The following TTC23L variants were observed in gnomAD, a reference collection of about 807,000 sequenced individuals.
TTC23L encodes the protein tetratricopeptide repeat protein 23-like.
In TTC23L, 42 loss-of-function variants were observed where a neutral mutation model predicts 48.1. The ratio of observed to expected loss-of-function variants is 0.87; its 90% confidence interval spans 0.68 to 1.13. The LOEUF (loss-of-function observed/expected upper bound fraction) is 1.13, where lower values mean the gene tolerates loss of function less well. TTC23L is among the 50% of genes most tolerant of loss of function. The pLI, the probability that TTC23L is intolerant of heterozygous loss-of-function variation, is 0.00. For missense variants in TTC23L, 391 were observed against 421.0 expected, an observed-to-expected ratio of 0.93 and a Z score of 0.62; for synonymous variants, 159 against 157.2, an observed-to-expected ratio of 1.01 and a Z score of -0.09.
chr5:34,912,110 G>A, the TTC23L span, among the ~76,000 whole-genome samples: 1 of 152,122 alleles, frequency 6.6e-6, no homozygotes, highest in East Asian at 1.9e-4. Flanking sequence ...ACAATTTCAG[G>A]GTAGAGAATC....
chr5:34,887,693 C>T (rs1026781513), intron 9 of TTC23L, among the ~76,000 whole-genome samples: 4 of 151,882 alleles, frequency 2.6e-5, no homozygotes, highest in African/African-American at 9.7e-5. Context: ...TCTCTTAGAA[C>T]GCAGAGTGAA....
At position 34,897,178 on chromosome 5, in the gene TTC23L, A is replaced by G. The variant is rs988894585; in HGVS notation, c.*97+303A>G. On this transcript the variant is annotated intron_variant, in intron 10 of 10. Transcript: ENST00000505624. ...GGCAGGTGGATTGTCTGAGCTCAGG[A>G]GTTCGAGACCAGCCTGGGAAACACA... Among the ~76,000 whole-genome samples, 9 of 152,214 alleles carry G rather than the reference A, an allele frequency of 5.9e-5. No homozygotes were observed. The East Asian group carries it at 1.7e-3, about 29-fold the overall frequency.
At chr5:34,890,729 G>A (rs933101240) in intron 9 of TTC23L, among the ~76,000 whole-genome samples, 6 of 152,094 alleles carry the variant, frequency 3.9e-5, no homozygotes, top group Non-Finnish European at 8.8e-5. Context: ...CTGACTCCAG[G>A]ATCTGTACTC....
the TTC23L span, chr5:34,906,108 C>G: frequency 6.6e-6 from 1 of 151,960 alleles, no homozygotes; most frequent in Non-Finnish European, 1.5e-5. Context: ...ACACCCACCA[C>G]CACACCCAGC....
intron 8 of TTC23L, among the ~76,000 whole-genome samples, chr5:34,876,551 T>C (rs1162101466): frequency 6.6e-6 from 1 of 152,110 alleles, no homozygotes; most frequent in Non-Finnish European, 1.5e-5. Context: ...CTGCCAAAAC[T>C]CACATAAGAA....
intron 7 of TTC23L, 73 bp downstream of exon 7, chr5:34,867,142 G>A (rs563920504): frequency 1.5e-5 from 21 of 1,447,922 alleles, no homozygotes; most frequent in Non-Finnish European, 1.8e-5. Flanking sequence ...GGCCAGGGAA[G>A]CATGGGCTTC....
chr5:34,872,555 A>G (rs1269278703), intron 8 of TTC23L, among the ~76,000 whole-genome samples: 1 of 152,198 alleles, frequency 6.6e-6, no homozygotes, highest in East Asian at 1.9e-4. Context: ...AATATATAGC[A>G]GTTGGCAAAT....
At chr5:34,877,623 C>T (rs1433494359) in intron 8 of TTC23L, among the ~76,000 whole-genome samples, 1 of 151,980 alleles carries the variant, frequency 6.6e-6, no homozygotes, top group African/African-American at 2.4e-5. Context: ...GGGGTTTCAC[C>T]ATGTTGGCCA....
chr5:34,911,925 C>T, the TTC23L span: 2 of 1,242,000 alleles, frequency 1.6e-6, no homozygotes, highest in Non-Finnish European at 2.3e-6. Flanking sequence ...CAATTTCTCA[C>T]ATATATGTAT....
At chr5:34,868,938 G>A in exon 8 of TTC23L, 2 of 1,611,034 alleles carry the variant, frequency 1.2e-6, no homozygotes, top group Non-Finnish European at 1.7e-6. Context: ...GTTCACTGAA[G>A]TCAGCCCCAA....
chr5:34,914,045 C>A, the TTC23L span: 1 of 455,958 alleles, frequency 2.2e-6, no homozygotes, highest in South Asian at 1.5e-5. Context: ...GGACAAGAAC[C>A]GTGTCTTATT....
At chr5:34,899,068 A>G (rs755574319) in intron 10 of TTC23L, among the ~76,000 whole-genome samples, 34 of 152,174 alleles carry the variant, frequency 2.2e-4, no homozygotes, top group Non-Finnish European at 4.0e-4. Flanking sequence ...CCTAAATTAG[A>G]TAAGTTTTCC....
At position 34,872,091 on chromosome 5, in the gene TTC23L, A is replaced by G. The variant is rs1368501074; in HGVS notation, c.949+3078A>G. 3.3e-5 allele frequency among the ~76,000 whole-genome samples: 5 copies of G among 152,060 alleles called. No homozygotes were observed. The East Asian group carries it at 5.8e-4, about 18-fold the overall frequency. On this transcript the variant is annotated intron_variant, in intron 8 of 10. Coordinates refer to ENST00000505624, the Ensembl canonical transcript of TTC23L. Reference sequence around the variant, plus strand: ...CCAGGAATTTTATACTGGCTTGGGCAACATAGTGAGACCCCATCTCTACCA... The same window carrying G: ...CCAGGAATTTTATACTGGCTTGGGCGACATAGTGAGACCCCATCTCTACCA...
chr5:34,862,714 C>T (rs1760768812), intron 4 of TTC23L, among the ~76,000 whole-genome samples, 184 bp from the exon 5 acceptor site: 1 of 152,122 alleles, frequency 6.6e-6, no homozygotes, highest in Admixed American at 6.5e-5. Flanking sequence ...TTGAGTGGGG[C>T]CCAGGAACCT....
At chr5:34,839,978 G>A (rs1055588852) in intron 1 of TTC23L, among the ~76,000 whole-genome samples, 5 of 152,172 alleles carry the variant, frequency 3.3e-5, no homozygotes, top group African/African-American at 1.2e-4. Context: ...CGCGATCTCC[G>A]CCTCCCGGGT....
rs527268993 is a variant in TTC23L at position 34,852,100 on chromosome 5, A to T, written c.379+1792A>T. ...AGGTCTTTCTACGTTGCCCAGGCCG[A>T]TCTCAAATTCCTGGCCTCAAGTGAT... On this transcript the variant is annotated intron_variant, in intron 4 of 10. Transcript: ENST00000505624. Among the ~76,000 whole-genome samples, 19 of 152,218 alleles carry T rather than the reference A, an allele frequency of 1.2e-4. No homozygotes were observed. In the East Asian group the frequency reaches 2.7e-3, roughly 22 times the overall value.
At chr5:34,923,942 T>C in the TTC23L span, among the ~76,000 whole-genome samples, 1 of 151,766 alleles carries the variant, frequency 6.6e-6, no homozygotes, top group African/African-American at 2.4e-5. Flanking sequence ...AGGGAATAAC[T>C]TGAAGATCCA....
At chr5:34,843,661 G>T (rs555475391) in intron 2 of TTC23L, among the ~76,000 whole-genome samples, 8 of 152,152 alleles carry the variant, frequency 5.3e-5, no homozygotes, top group African/African-American at 1.9e-4. Context: ...ATTGAGATAT[G>T]ATCTCTTTTT....
the TTC23L span, chr5:34,920,393 A>G: frequency 6.6e-6 from 1 of 152,308 alleles, no homozygotes; most frequent in African/African-American, 2.4e-5. Context: ...ACAGAACATA[A>G]ATTTACATTT....
Sources: allele counts gnomAD v4.1 joint callset (sites outside exome capture counted in the v4.1 genomes callset), GRCh38; gene constraint gnomAD v4.1.1; transcripts MANE v1.5; gene names NCBI Gene and HGNC (gene_info 2026-07-23, HGNC 2026-07-21).